TSPAN19: variants seen among roughly 807,000 people sequenced by gnomAD.
The protein encoded by TSPAN19 is tetraspanin-19.
A neutral mutation model predicts 35.1 loss-of-function variants in TSPAN19; 44 were observed. The observed-to-expected ratio is 1.25, with a 90% CI of 0.98 to 1.61. TSPAN19 has a LOEUF of 1.61. Among genes scored for constraint, TSPAN19 ranks in the 40% most tolerant of loss-of-function variants. TSPAN19 has a pLI of 0.00. For missense variants in TSPAN19, 290 were observed against 280.0 expected, an observed-to-expected ratio of 1.04 and a Z score of -0.26; for synonymous variants, 79 against 92.0, an observed-to-expected ratio of 0.86 and a Z score of 0.81.
intron 3 of TSPAN19, among the ~76,000 whole-genome samples, chr12:85,028,301 G>T (rs1164628427): frequency 6.6e-6 from 1 of 152,050 alleles, no homozygotes; most frequent in Non-Finnish European, 1.5e-5. Context: ...TTCTATGATA[G>T]AATAAATTTT....
intron 7 of TSPAN19, chr12:85,016,410 T>C (rs1275342486): frequency 6.6e-6 from 1 of 152,054 alleles, no homozygotes; most frequent in Admixed American, 6.6e-5. Context: ...CAACAAGAGA[T>C]TAAAACAATA....
chr12:85,015,875 A>G lies in TSPAN19; in HGVS notation c.678+13T>C, dbSNP rs1469016551. On this transcript the variant is annotated intron_variant, in intron 8 of 8. Coordinates refer to ENST00000532498, the MANE Select transcript of TSPAN19 (RefSeq NM_001100917.2). ...TTAATATTTTTCATTTTAACATATG[A>G]ACAAAAGCTTACCTCTGAAGTTAAA... 3.9e-6 allele frequency: 6 copies of G among 1,530,946 alleles called. No individual in the cohort carries two copies. Among genetic ancestry groups the G allele is most frequent in the East Asian group, 2.4e-5 (1 of 40,834 alleles). 94.8% of individuals were successfully genotyped at this position (1,530,946 alleles called of 1,614,324 possible).
chr12:85,023,761 A>G (rs542512073), intron 4 of TSPAN19, among the ~76,000 whole-genome samples: 1 of 152,294 alleles, frequency 6.6e-6, no homozygotes, highest in South Asian at 2.1e-4. Flanking sequence ...TAAATTTCTG[A>G]TGTACTATTT....
At chr12:85,022,804 A>G (rs1877195142) in intron 5 of TSPAN19, among the ~76,000 whole-genome samples, 1 of 152,140 alleles carries the variant, frequency 6.6e-6, no homozygotes, top group Non-Finnish European at 1.5e-5. Flanking sequence ...AAGTTTTTTC[A>G]GGCTTATTAT....
intron 4 of TSPAN19, among the ~76,000 whole-genome samples, chr12:85,024,351 A>G (rs1168108318): frequency 6.6e-6 from 1 of 152,200 alleles, no homozygotes. Flanking sequence ...CCTTAGAAAC[A>G]GTATTTATTT....
chr12:85,028,159 T>C, intron 3 of TSPAN19, 136 bp from the exon 4 acceptor site: 1 of 597,366 alleles, frequency 1.7e-6, no homozygotes. Flanking sequence ...TAGGATTCTC[T>C]GTCTCTCTCT....
At chr12:85,016,346 CAT>C (rs1213250900) in intron 7 of TSPAN19, 1 of 158,422 alleles carries the variant, frequency 6.3e-6, no homozygotes, top group African/African-American at 2.4e-5. Context: ...AAATATATTA[CAT>C]GTCTTCCTAT....
rs982602 is a variant in TSPAN19 at position 85,032,528 on chromosome 12, A to G, written c.-27-2555T>C. On this transcript the variant is annotated intron_variant, in intron 1 of 8. Transcript: ENST00000532498. ...AGGCAACGTGGTAAGGAAGATGTTT[A>G]TGGTAATTTCAAAACTGTGGTTCAA... Among the ~76,000 whole-genome samples the G allele has an allele frequency of 2.9e-4, 44 of 152,260 alleles. No individual in the cohort carries two copies. The East Asian group carries it at 3.3e-3, about 11-fold the overall frequency.
chr12:85,025,943 G>T (rs990195910), intron 4 of TSPAN19, among the ~76,000 whole-genome samples: 2 of 152,190 alleles, frequency 1.3e-5, no homozygotes, highest in Non-Finnish European at 2.9e-5. Flanking sequence ...GAGGAGAATA[G>T]CAAAAGTGTC....
intron 4 of TSPAN19, among the ~76,000 whole-genome samples, chr12:85,025,106 G>T (rs1354987310): frequency 1.3e-5 from 2 of 151,166 alleles, no homozygotes; most frequent in African/African-American, 4.9e-5. Flanking sequence ...TACTAATAAG[G>T]GATTGGTAGA....
chr12:85,020,468 T>TAG (rs1387984842), intron 5 of TSPAN19, among the ~76,000 whole-genome samples: 1 of 151,988 alleles, frequency 6.6e-6, no homozygotes, highest in Non-Finnish European at 1.5e-5. Context: ...TATCCTTTCA[T>TAG]AGTACTATCA....
intron 1 of TSPAN19, among the ~76,000 whole-genome samples, chr12:85,030,830 T>C (rs1215033580): frequency 6.6e-6 from 1 of 152,154 alleles, no homozygotes; most frequent in Admixed American, 6.6e-5. Flanking sequence ...GTTTCAAATC[T>C]AATCTTGAGT....
chr12:85,014,490 C>T lies in TSPAN19; in HGVS notation c.744G>A (p.Met248Ile), dbSNP rs779658211. 4 of 1,594,062 alleles carry T rather than the reference C, an allele frequency of 2.5e-6. No homozygotes were observed. The highest frequency in any genetic ancestry group is 3.4e-6 in the Non-Finnish European group (4 of 1,168,708). ...KNIKNIIHAE[M>I] ...TGAACAAATTGAAATCCAAAGGTCACATTTCTGCATGGATTATATTCTTGA... is the reference window on the plus strand; with the variant it reads ...TGAACAAATTGAAATCCAAAGGTCATATTTCTGCATGGATTATATTCTTGA... The change falls in exon 9 of 9, where the codon ATG becomes ATA. Residue 248 changes from methionine to isoleucine, a missense_variant. Transcript: ENST00000532498.
At chr12:85,030,128 T>G (rs1448776816) in intron 1 of TSPAN19, among the ~76,000 whole-genome samples, 155 bp from the exon 2 acceptor site, 2 of 152,098 alleles carry the variant, frequency 1.3e-5, no homozygotes, top group Non-Finnish European at 2.9e-5. Flanking sequence ...GAAGGTATCT[T>G]GAAACTGTAC....
At chr12:85,018,778 C>T (rs183329501) in intron 6 of TSPAN19, among the ~76,000 whole-genome samples, 3 of 151,900 alleles carry the variant, frequency 2.0e-5, no homozygotes, top group African/African-American at 4.8e-5. Flanking sequence ...TTATTAGCTG[C>T]GCAATCCTCA....
At chr12:85,020,880 T>A (rs952887098) in intron 5 of TSPAN19, among the ~76,000 whole-genome samples, 12 of 152,206 alleles carry the variant, frequency 7.9e-5, no homozygotes, top group Middle Eastern at 3.4e-3. Context: ...AAATTTGTTA[T>A]GCTTTTCATT....
chr12:85,015,978 A>G lies in TSPAN19; in HGVS notation c.595-7T>C, dbSNP rs1203138190. The G allele has an allele frequency of 9.3e-6, 14 of 1,500,916 alleles. No homozygotes were observed. Among genetic ancestry groups the G allele is most frequent in the Non-Finnish European group, 1.1e-5 (12 of 1,112,254 alleles). 93.0% of individuals were successfully genotyped at this position (1,500,916 alleles called of 1,614,324 possible). On this transcript the variant is annotated splice_region_variant and splice_polypyrimidine_tract_variant and intron_variant, in intron 7 of 8. Coordinates refer to ENST00000532498, the MANE Select transcript of TSPAN19 (RefSeq NM_001100917.2). ...TGATTTTATTTTCACAACCCTAAGAAAAAGAAGTTATTCAGATGGACATGG... is the reference window on the plus strand; with the variant it reads ...TGATTTTATTTTCACAACCCTAAGAGAAAGAAGTTATTCAGATGGACATGG...
chr12:85,016,306 G>A (rs1163809909), intron 7 of TSPAN19: 1 of 180,568 alleles, frequency 5.5e-6, no homozygotes, highest in Non-Finnish European at 1.1e-5. Flanking sequence ...CCCCAGTGGA[G>A]GCCTGAAAAC....
intron 4 of TSPAN19, among the ~76,000 whole-genome samples, chr12:85,025,531 G>T (rs535928816): frequency 1.3e-4 from 19 of 150,432 alleles, no homozygotes; most frequent in Admixed American, 2.0e-4. Context: ...TTTTTTGTTG[G>T]GGGGGAGGTG....
Sources: allele counts gnomAD v4.1 joint callset (sites outside exome capture counted in the v4.1 genomes callset), GRCh38; gene constraint gnomAD v4.1.1; transcripts MANE v1.5; gene names NCBI Gene and HGNC (gene_info 2026-07-23, HGNC 2026-07-21).